The following RELN variants were observed in gnomAD, a reference collection of about 807,000 sequenced individuals.
The protein encoded by RELN is reelin.
In RELN, 108 loss-of-function variants were observed where a neutral mutation model predicts 427.6. The observed-to-expected ratio is 0.25, with a 90% confidence interval of 0.22 to 0.30. RELN has a LOEUF of 0.30. Among genes scored for constraint, RELN ranks in the 10% least tolerant of loss-of-function variants. The probability of loss-of-function intolerance (pLI) is 1.00; values close to 1 mark genes in which losing one functional copy is unlikely to be tolerated. For missense variants in RELN, 3,715 were observed against 4,302.8 expected, an observed-to-expected ratio of 0.86 and a Z score of 3.82; for synonymous variants, 1,524 against 1,513.4, an observed-to-expected ratio of 1.01 and a Z score of -0.16.
rs1210901526 is a variant in RELN, at chr7:103,909,751, ATATTAAATAT to A, written c.337+7314_337+7323del. Among the ~76,000 whole-genome samples the A allele has an allele frequency of 3.9e-3, 267 of 68,582 alleles. 78 individuals are homozygous for A. The highest frequency in any genetic ancestry group is 0.022 in the African/African-American group (257 of 11,652). The allele number at this position is 68,582 out of a possible 152,430, so 45.0% of individuals were successfully genotyped here. A position where few individuals can be genotyped will look rare whatever the true frequency, so the allele number is the denominator to read the frequency against. Reference sequence around the variant, plus strand: ...TATTTTTTAATATATATAAATATATATATTAAATATATATATTTAATATATATAAATATAT... The same window carrying A: ...TATTTTTTAATATATATAAATATATAATATATTTAATATATATAAATATAT... On this transcript the variant is annotated intron_variant, in intron 2 of 64. Coordinates refer to ENST00000428762, the MANE Select transcript of RELN (RefSeq NM_005045.4).
chr7:103,924,299 T>C (rs555280648), intron 1 of RELN, among the ~76,000 whole-genome samples: 2 of 152,310 alleles, frequency 1.3e-5, no homozygotes, highest in Non-Finnish European at 2.9e-5. Context: ...ACTCTTCTTT[T>C]TCATTTTATA....
chr7:103,477,152 T>A (rs1008603381), intron 64 of RELN, among the ~76,000 whole-genome samples: 2 of 152,204 alleles, frequency 1.3e-5, no homozygotes, highest in African/African-American at 4.8e-5. Context: ...GGGACTTAGA[T>A]GGCATATAGA....
At chr7:103,542,047 CAT>C (rs1242875769) in intron 43 of RELN, among the ~76,000 whole-genome samples, 1 of 152,192 alleles carries the variant, frequency 6.6e-6, no homozygotes, top group Non-Finnish European at 1.5e-5. Flanking sequence ...CCATTTTACA[CAT>C]GTTAAACCAT....
chr7:103,813,282 T>C (rs1792789374), intron 3 of RELN, among the ~76,000 whole-genome samples: 1 of 152,200 alleles, frequency 6.6e-6, no homozygotes, highest in African/African-American at 2.4e-5. Context: ...TCAGTAACAC[T>C]GCATGGGAAA....
chr7:103,526,208 A>G (rs1399260396), intron 46 of RELN, among the ~76,000 whole-genome samples: 4 of 152,234 alleles, frequency 2.6e-5, no homozygotes, highest in Non-Finnish European at 5.9e-5. Flanking sequence ...GAGAAACTGT[A>G]TGGAAGATTT....
At chr7:103,701,168 T>C (rs1412696626) in intron 8 of RELN, among the ~76,000 whole-genome samples, 162 bp from the exon 9 acceptor site, 1 of 152,106 alleles carries the variant, frequency 6.6e-6, no homozygotes. Flanking sequence ...TCTGTTCTGG[T>C]AACTACCATT....
chr7:103,978,261 T>G (rs972509077), intron 1 of RELN, among the ~76,000 whole-genome samples: 3 of 152,112 alleles, frequency 2.0e-5, no homozygotes, highest in African/African-American at 7.2e-5. Context: ...ACCATTCTAT[T>G]CTCTACTTCT....
intron 3 of RELN, among the ~76,000 whole-genome samples, chr7:103,811,403 T>C (rs1193608446): frequency 2.0e-5 from 3 of 152,212 alleles, no homozygotes; most frequent in Admixed American, 6.5e-5. Flanking sequence ...CACACCCACA[T>C]GAGAGATTGG....
intron 11 of RELN, among the ~76,000 whole-genome samples, chr7:103,673,799 G>A (rs1422804921): frequency 6.6e-6 from 1 of 152,102 alleles, no homozygotes; most frequent in Non-Finnish European, 1.5e-5. Flanking sequence ...ATCTTACCTA[G>A]AGGGTTTAGA....
In RELN at chr7:103,515,588, C is replaced by T. The variant is rs1159599040; in HGVS notation, c.7863-147G>A. ...AAGCTAAAATAATTTTCAAAAACCA[C>T]GATTAACTGGCTTAATTTTATGAAG... is the stretch of plus-strand genomic sequence containing the variant. On this transcript the variant is annotated intron_variant, in intron 49 of 64. Transcript: ENST00000428762. The T allele has an allele frequency of 1.0e-5, 10 of 973,182 alleles. No homozygotes were observed. The East Asian group carries it at 1.6e-4, about 15-fold the overall frequency. 60.3% of individuals were successfully genotyped at this position (973,182 alleles called of 1,614,324 possible). A position where few individuals can be genotyped will look rare whatever the true frequency, so the allele number is the denominator to read the frequency against.
chr7:103,872,536 G>A lies in RELN; in HGVS notation c.338-38864C>T, dbSNP rs968949815. 1.7e-3 allele frequency among the ~76,000 whole-genome samples: 228 copies of A among 132,892 alleles called. 23 individuals carry two copies. Among genetic ancestry groups the A allele is most frequent in the African/African-American group, 5.8e-3 (220 of 37,690 alleles). 87.2% of individuals were successfully genotyped at this position (132,892 alleles called of 152,430 possible). A position where few individuals can be genotyped will look rare whatever the true frequency, so the allele number is the denominator to read the frequency against. ...CCACAATAAACATACGTGTGCATGT[G>A]TCTTTATAGCGGCATGATTTATAGT... On this transcript the variant is annotated intron_variant, in intron 2 of 64. Transcript: ENST00000428762.
At chr7:103,617,269 A>G (rs1223860339) in intron 20 of RELN, among the ~76,000 whole-genome samples, 3 of 152,132 alleles carry the variant, frequency 2.0e-5, no homozygotes, top group Non-Finnish European at 4.4e-5. Context: ...GAGGATATAT[A>G]GTCTGTCATA....
intron 34 of RELN, among the ~76,000 whole-genome samples, 182 bp from the exon 35 acceptor site, chr7:103,562,135 C>A (rs1429710140): frequency 2.0e-5 from 3 of 152,156 alleles, no homozygotes; most frequent in Admixed American, 1.3e-4. Flanking sequence ...TCTCTTGACT[C>A]ATAAACAGGA....
Position 103,510,886 on chromosome 7 carries a change from G to T in RELN, c.8239C>A (p.Leu2747Met), listed in dbSNP as rs775082646. ...ATAATCCAGCCTTCAGTGGGAGTCA[G>T]GTCATGGGTCACTGCATACACCTCC... ...GREVYAVTHDLTPTEGWIMQF... is the reference protein window; with the variant it reads ...GREVYAVTHDMTPTEGWIMQF... Residue 2747 changes from leucine (L) to methionine (M), a missense_variant, in exon 51 of 65, where the codon CTG becomes ATG. This residue lies in a region of RELN where 1,310 missense variants were observed against 1,643.0 expected (regional missense o/e 0.80). Transcript: ENST00000428762. 3.1e-6 allele frequency: 5 copies of T among 1,613,536 alleles called. No homozygotes were observed. The South Asian group carries it at 3.3e-5, about 11-fold the overall frequency.
At chr7:103,496,459 C>G (rs1828843964) in intron 56 of RELN, 67 bp downstream of exon 56, 2 of 1,597,826 alleles carry the variant, frequency 1.3e-6, no homozygotes, top group Non-Finnish European at 1.7e-6. Flanking sequence ...ATGTGCTAAT[C>G]TATCTGAAGA....
In RELN at chr7:103,561,718, G is replaced by C. The variant is rs758405612; in HGVS notation, c.5352-9C>G. The C allele has an allele frequency of 7.4e-6, 12 of 1,613,920 alleles. No homozygotes were observed. The highest frequency in any genetic ancestry group is 6.7e-5 in the Admixed American group (4 of 59,970). On this transcript the variant is annotated splice_polypyrimidine_tract_variant and intron_variant, in intron 35 of 64. Transcript: ENST00000428762. ...CAAAGCCCCGGTCACACCTAAGAAA[G>C]AGAGGGAGTGGAGAAAAGACATTTG... is the stretch of plus-strand genomic sequence containing the variant.
chr7:103,897,162 G>C (rs1409573232), intron 2 of RELN, among the ~76,000 whole-genome samples: 2 of 152,062 alleles, frequency 1.3e-5, no homozygotes, highest in Non-Finnish European at 1.5e-5. Flanking sequence ...ACAACACGTG[G>C]GGATTATTAC....
intron 3 of RELN, among the ~76,000 whole-genome samples, chr7:103,791,395 C>T (rs1792157800): frequency 1.3e-5 from 2 of 152,154 alleles, no homozygotes; most frequent in African/African-American, 4.8e-5. Flanking sequence ...GCCATAAAAA[C>T]AGATGTATAG....
At chr7:103,521,343 AAC>A (rs1829705484) in intron 48 of RELN, among the ~76,000 whole-genome samples, 2 of 152,330 alleles carry the variant, frequency 1.3e-5, no homozygotes, top group South Asian at 4.1e-4. Flanking sequence ...TTGTATTTTA[AAC>A]AGAGTCGCCT....
Sources: allele counts gnomAD v4.1 joint callset (sites outside exome capture counted in the v4.1 genomes callset), GRCh38; gene constraint gnomAD v4.1.1; regional missense constraint gnomAD v4.1.1; transcripts MANE v1.5; gene names NCBI Gene and HGNC (gene_info 2026-07-23, HGNC 2026-07-21).